GRM6: variants seen among roughly 807,000 people sequenced by gnomAD.
GRM6 encodes glutamate metabotropic receptor 6, also known as metabotropic glutamate receptor 6.
A neutral mutation model predicts 78.4 loss-of-function variants in GRM6; 73 were observed. The ratio of observed to expected loss-of-function variants is 0.93; its 90% CI spans 0.77 to 1.13. The LOEUF is 1.13. GRM6 is among the 50% of genes most tolerant of loss of function. GRM6 has a pLI of 0.00. For synonymous variants in GRM6, 580 were observed against 555.0 expected (o/e 1.05, Z -0.63); for missense variants, 1,251 against 1,256.4 (o/e 1.00, Z 0.07).
At chr5:178,989,504 C>A (rs1346162547) in intron 5 of GRM6, 99 bp from the exon 6 acceptor site, 1 of 1,489,286 alleles carries the variant, frequency 6.7e-7, no homozygotes, top group African/African-American at 1.4e-5. Flanking sequence ...TAGGAGTGGC[C>A]AGGTGAGCTA....
intron 10 of GRM6, chr5:178,982,694 A>AG (rs1268685298): frequency 2.0e-5 from 5 of 244,846 alleles, no homozygotes; most frequent in African/African-American, 1.1e-4. Context: ...GAAAATGATA[A>AG]AAAAAAAAAA....
Position 178,994,591 on chromosome 5 carries a change from G to A in GRM6, c.354C>T (p.Arg118=). ...QALSFVQALI[R]GRGDGDEVGV... is the part of the protein sequence containing the mutation. Reference sequence around the variant, plus strand: ...CCACCTCGTCGCCGTCGCCGCGGCCGCGGATCAGCGCCTGCACGAAGCTCA... The same window carrying A: ...CCACCTCGTCGCCGTCGCCGCGGCCACGGATCAGCGCCTGCACGAAGCTCA... Residue 118 remains arginine (R), a synonymous_variant, in exon 2 of 11, where the codon CGC becomes CGT. Coordinates refer to ENST00000517717, the MANE Select transcript of GRM6 (RefSeq NM_000843.4). 7.4e-7 allele frequency: 1 copy of A among 1,351,012 alleles called. No homozygotes were observed. The highest frequency in any genetic ancestry group is 9.5e-7 in the Non-Finnish European group (1 of 1,054,648). The allele number at this position is 1,351,012 out of a possible 1,614,324, so 83.7% of individuals were successfully genotyped here.
rs1471712414 is a variant in GRM6 at position 178,985,517 on chromosome 5, C to T, written c.2124+613G>A. 1.3e-4 allele frequency: 44 copies of T among 339,118 alleles called. No individual in the cohort carries two copies. The Admixed American group carries it at 1.4e-3, about 11-fold the overall frequency. The allele number at this position is 339,118 out of a possible 1,614,324, so 21.0% of individuals were successfully genotyped here. A position where few individuals can be genotyped will look rare whatever the true frequency, so the allele number is the denominator to read the frequency against. ...AGGAGATCGAGACCATCCTGGCTAA[C>T]ACGGTGAAGCCCTGTCTCTACTAAA... On this transcript the variant is annotated intron_variant, in intron 9 of 10. Transcript: ENST00000517717.
At position 178,978,784 on chromosome 5, in the gene GRM6, G is replaced by A. The variant is rs1012123317; in HGVS notation, c.*2873C>T. 6.6e-6 allele frequency: 1 copy of A among 152,242 alleles called. No homozygotes were observed. Among genetic ancestry groups the A allele is most frequent in the African/African-American group, 2.4e-5 (1 of 41,546 alleles). 9.4% of individuals were successfully genotyped at this position (152,242 alleles called of 1,614,324 possible). On this transcript the variant is annotated 3_prime_UTR_variant, in exon 11 of 11. Coordinates refer to ENST00000517717, the MANE Select transcript of GRM6 (RefSeq NM_000843.4). ...CTTCGGTGCAGGTCAGCTCTCACTC[G>A]ACATAAGAGAAACCACACTGGAAGA...
chr5:178,989,499 G>A, intron 5 of GRM6, 94 bp from the exon 6 acceptor site: 1 of 1,512,608 alleles, frequency 6.6e-7, no homozygotes. Context: ...TCAGCTAGGA[G>A]TGGCCAGGTG....
intron 7 of GRM6, 64 bp from the exon 8 acceptor site, chr5:178,987,047 G>A (rs1188439952): frequency 2.5e-5 from 39 of 1,538,516 alleles, no homozygotes; most frequent in Non-Finnish European, 3.4e-5. Flanking sequence ...TCCTGGGGAG[G>A]CCCCAGGGAC....
At chr5:178,985,935 T>C (rs984578967) in intron 9 of GRM6, among the ~76,000 whole-genome samples, 195 bp downstream of exon 9, 2 of 152,262 alleles carry the variant, frequency 1.3e-5, no homozygotes, top group East Asian at 3.9e-4. Context: ...CTAATTTTCA[T>C]ATTTTTTGCA....
In GRM6 at chr5:178,991,797, T is replaced by A. The variant is rs574705995; in HGVS notation, c.721+70A>T. Reference sequence around the variant, plus strand: ...GGACCTGGGCCCCCCATCTTTCTGCTTCTGCCCCAACTGAGGGCCCCGGGC... The same window carrying A: ...GGACCTGGGCCCCCCATCTTTCTGCATCTGCCCCAACTGAGGGCCCCGGGC... On this transcript the variant is annotated intron_variant, in intron 3 of 10. Coordinates refer to ENST00000517717, the MANE Select transcript of GRM6 (RefSeq NM_000843.4). The surrounding 1 kb of genome is among the most constrained non-coding windows in gnomAD (Gnocchi z 5.0). The A allele has an allele frequency of 9.0e-5, 123 of 1,370,532 alleles. No homozygotes were observed. In the Admixed American group the frequency reaches 1.1e-3, roughly 12 times the overall value. The allele number at this position is 1,370,532 out of a possible 1,614,324, so 84.9% of individuals were successfully genotyped here.
At position 178,987,220 on chromosome 5, in the gene GRM6, G is replaced by A. The variant is rs568316904; in HGVS notation, c.1355-237C>T. 139 of 664,932 alleles carry A rather than the reference G, an allele frequency of 2.1e-4. 2 individuals carry two copies. Among genetic ancestry groups the A allele is most frequent in the South Asian group, 1.0e-3 (68 of 66,388 alleles). The allele number at this position is 664,932 out of a possible 1,614,324, so 41.2% of individuals were successfully genotyped here. On this transcript the variant is annotated intron_variant, in intron 7 of 10. Transcript: ENST00000517717. Reference sequence around the variant, plus strand: ...TGGAGAAGTCGGAACCCTTGTGCACGGTGGGTGGGAAAAGGCTGCAGCCGC... The same window carrying A: ...TGGAGAAGTCGGAACCCTTGTGCACAGTGGGTGGGAAAAGGCTGCAGCCGC...
intron 9 of GRM6, among the ~76,000 whole-genome samples, chr5:178,984,878 C>T (rs1165580091): frequency 6.6e-6 from 1 of 152,132 alleles, no homozygotes; most frequent in Non-Finnish European, 1.5e-5. Flanking sequence ...CTCCACCTGG[C>T]CCTGAGAACC....
chr5:178,992,078 G>C lies in GRM6; in HGVS notation c.510C>G (p.Pro170=), dbSNP rs1760687636. 6.2e-7 allele frequency: 1 copy of C among 1,611,014 alleles called. No homozygotes were observed. Among genetic ancestry groups the C allele is most frequent in the Non-Finnish European group, 8.5e-7 (1 of 1,177,612 alleles). The change falls in exon 3 of 11, where the codon CCC becomes CCG. Residue 170 remains proline, a synonymous_variant. Coordinates refer to ENST00000517717, the MANE Select transcript of GRM6 (RefSeq NM_000843.4). The surrounding 1 kb of genome is among the most constrained non-coding windows in gnomAD (Gnocchi z 4.9). ...GGGCTGTGGAGGCATAGCTGATCTG[G>C]GGTATCTGTGGGGCAGGAAGGACAG... is the stretch of plus-strand genomic sequence containing the variant. The part of the protein sequence containing the change: ...VANVLRLFAI[P]QISYASTAPE...
In GRM6 at chr5:178,992,452, C is replaced by G. The variant is rs1456700976; in HGVS notation, c.505-369G>C. 5.2e-6 allele frequency: 2 copies of G among 384,142 alleles called. No homozygotes were observed. The highest frequency in any genetic ancestry group is 4.2e-5 in the African/African-American group (2 of 48,148). The allele number at this position is 384,142 out of a possible 1,614,324, so 23.8% of individuals were successfully genotyped here. On this transcript the variant is annotated intron_variant, in intron 2 of 10. Coordinates refer to ENST00000517717, the MANE Select transcript of GRM6 (RefSeq NM_000843.4). This position sits in a 1 kb window ranked among gnomAD's most constrained non-coding sequence, Gnocchi z 4.9. ...TGCATCTGCCTGTCCTAGTCAGGCC[C>G]AGGGCAAAGCACGTTTTCTTGATTC...
Position 178,991,496 on chromosome 5 carries a change from T to G in GRM6, c.785A>C (p.Lys262Thr), listed in dbSNP as rs1422441869. Residue 262 changes from lysine to threonine, a missense_variant, in exon 4 of 11, where the codon AAG becomes ACG. Lys to Thr is a moderately conservative substitution (Grantham distance 78, BLOSUM62 -1). Coordinates refer to ENST00000517717, the MANE Select transcript of GRM6 (RefSeq NM_000843.4). This position sits in a 1 kb window ranked among gnomAD's most constrained non-coding sequence, Gnocchi z 5.0. ...PREPKPGEFSKVIRRLMETPN... is the reference protein window; with the variant it reads ...PREPKPGEFSTVIRRLMETPN... ...CGTCTCCATGAGTCTCCTGATCACC[T>G]TGCTGAACTCTCCTGGCTTTGGTTC... 1 of 1,613,414 alleles carries G rather than the reference T, an allele frequency of 6.2e-7. No homozygotes were observed. The highest frequency in any genetic ancestry group is 8.5e-7 in the Non-Finnish European group (1 of 1,179,648).
intron 9 of GRM6, chr5:178,985,554 T>A (rs1274310058): frequency 3.0e-6 from 1 of 336,302 alleles, no homozygotes; most frequent in East Asian, 8.3e-5. Context: ...ATACAAAAAA[T>A]TAGCCGGGCG....
Position 178,986,222 on chromosome 5 carries a change from T to C in GRM6, c.2032A>G (p.Ile678Val). 1 of 1,614,082 alleles carries C rather than the reference T, an allele frequency of 6.2e-7. No homozygotes were observed. Among genetic ancestry groups the C allele is most frequent in the Non-Finnish European group, 8.5e-7 (1 of 1,180,000 alleles). ...ACCGAGCGCTTGCCCTGCTCAAAGATGCGGTAGATACGGTTGGTCTTGGTG... is the reference window on the plus strand; with the variant it reads ...ACCGAGCGCTTGCCCTGCTCAAAGACGCGGTAGATACGGTTGGTCTTGGTG... ...LLTKTNRIYRIFEQGKRSVTP... is the reference protein window; with the variant it reads ...LLTKTNRIYRVFEQGKRSVTP... The change falls in exon 9 of 11, where the codon ATC (isoleucine) becomes GTC (valine). Residue 678 changes from isoleucine (I) to valine (V), a missense_variant. Coordinates refer to ENST00000517717, the MANE Select transcript of GRM6 (RefSeq NM_000843.4).
Position 178,982,958 on chromosome 5 carries a change from C to T in GRM6, c.2388G>A (p.Trp796Ter). ...CAAAGAAGATGGGCACGAATGCCAG[C>T]CAGATGATGCAGGTGGTGTACATGG... is the stretch of plus-strand genomic sequence containing the variant. The part of the protein sequence containing the change: ...GFTMYTTCII[W>*]LAFVPIFFGT... Residue 796 changes from tryptophan (W) to a stop codon, truncating the protein, a stop_gained, in exon 10 of 11, where the codon TGG becomes TGA. Transcript: ENST00000517717. LOFTEE classifies it high-confidence loss of function. 1 of 1,614,182 alleles carries T rather than the reference C, an allele frequency of 6.2e-7. No homozygotes were observed. The highest frequency in any genetic ancestry group is 8.5e-7 in the Non-Finnish European group (1 of 1,180,018).
chr5:178,994,475 G>C lies in GRM6; in HGVS notation c.470C>G (p.Ser157Cys). The C allele has an allele frequency of 2.0e-6, 3 of 1,478,600 alleles. No homozygotes were observed. The highest frequency in any genetic ancestry group is 2.7e-6 in the Non-Finnish European group (3 of 1,120,368). The allele number at this position is 1,478,600 out of a possible 1,614,324, so 91.6% of individuals were successfully genotyped here. A position where few individuals can be genotyped will look rare whatever the true frequency, so the allele number is the denominator to read the frequency against. Residue 157 changes from serine to cysteine, a missense_variant, in exon 2 of 11, where the codon TCC becomes TGC. Transcript: ENST00000517717. ...GCGCAGCACGTTGGCGACCATGATG[G>C]AGACGGAGCTGGCCGAGGCGCCCAC... is the stretch of plus-strand genomic sequence containing the variant. Reference protein sequence around the residue: ...AVVGASASSVSIMVANVLRLF... With the variant: ...AVVGASASSVCIMVANVLRLF...
Position 178,981,464 on chromosome 5 carries a change from A to C in GRM6, c.*193T>G, listed in dbSNP as rs968488149. 6 of 584,690 alleles carry C rather than the reference A, an allele frequency of 1.0e-5. No individual in the cohort carries two copies. The highest frequency in any genetic ancestry group is 1.8e-5 in the Non-Finnish European group (6 of 327,466). 36.2% of individuals were successfully genotyped at this position (584,690 alleles called of 1,614,324 possible). On this transcript the variant is annotated 3_prime_UTR_variant, in exon 11 of 11. Transcript: ENST00000517717. The surrounding 1 kb of genome is among the most constrained non-coding windows in gnomAD (Gnocchi z 5.1). ...TCTGGTCTGTGGTGAGGAAGCATGA[A>C]GCTCACATGCTGGAATCGGGGTAGA... is the stretch of plus-strand genomic sequence containing the variant.
In GRM6 at chr5:178,981,674, C is replaced by T. The variant is rs1171452222; in HGVS notation, c.2617G>A (p.Ala873Thr). ...CTGCCCTGCTACTTGTGGGCCTCTG[C>T]ATCCTCGCCCTTGGGTGGGGCTGCC... is the stretch of plus-strand genomic sequence containing the variant. ...TVAAPPKGED[A>T]EAHK The change falls in exon 11 of 11, where the codon GCA (alanine) becomes ACA (threonine). Residue 873 changes from alanine to threonine, a missense_variant. Ala to Thr is a moderately conservative substitution (Grantham distance 58). Transcript: ENST00000517717. The surrounding 1 kb of genome is among the most constrained non-coding windows in gnomAD (Gnocchi z 5.1). 6.2e-7 allele frequency: 1 copy of T among 1,613,808 alleles called. No individual in the cohort carries two copies.
Sources: allele counts gnomAD v4.1 joint callset (sites outside exome capture counted in the v4.1 genomes callset), GRCh38; gene constraint gnomAD v4.1.1; non-coding constraint Gnocchi (gnomAD v3.1); transcripts MANE v1.5; gene names NCBI Gene and HGNC (gene_info 2026-07-23, HGNC 2026-07-21).